The following VWC2L variants were observed in gnomAD, a reference collection of about 807,000 sequenced individuals.
The protein encoded by VWC2L is von Willebrand factor C domain containing 2 like, also known as von Willebrand factor C domain-containing protein 2-like.
Under a neutral mutation model 21.6 loss-of-function variants are expected in VWC2L, and 10 were observed. The ratio of observed to expected loss-of-function variants is 0.46; its 90% CI spans 0.29 to 0.78. VWC2L has a LOEUF of 0.78. VWC2L is among the 30% of genes least tolerant of loss of function. The probability of loss-of-function intolerance (pLI) is 0.10; values close to 1 mark genes in which losing one functional copy is unlikely to be tolerated. For synonymous variants in VWC2L, 96 were observed against 94.3 expected (o/e 1.02, Z -0.10); for missense variants, 209 against 277.1 (o/e 0.75, Z 1.74).
intron 3 of VWC2L, among the ~76,000 whole-genome samples, chr2:214,438,433 A>T (rs568464123): frequency 1.2e-4 from 18 of 151,954 alleles, no homozygotes; most frequent in Non-Finnish European, 2.6e-4. Flanking sequence ...TGTCTAAACA[A>T]GTCCTTGAGG....
In VWC2L at chr2:214,561,807, T is replaced by TAC. The variant is rs1490549576; in HGVS notation, c.521-13864_521-13863insCA. Among the ~76,000 whole-genome samples, 20 of 137,422 alleles carry TAC rather than the reference T, an allele frequency of 1.5e-4. 1 individual carries two copies. The highest frequency in any genetic ancestry group is 5.9e-4 in the African/African-American group (19 of 31,948). The allele number at this position is 137,422 out of a possible 152,430, so 90.2% of individuals were successfully genotyped here. A position where few individuals can be genotyped will look rare whatever the true frequency, so the allele number is the denominator to read the frequency against. On this transcript the variant is annotated intron_variant, in intron 3 of 3. Coordinates refer to ENST00000312504, the MANE Select transcript of VWC2L (RefSeq NM_001080500.4). ...AATTATATATATATATATATATATA[T>TAC]ATACACACACATATATAATTTTATA... is the stretch of plus-strand genomic sequence containing the variant.
At chr2:214,488,075 G>T (rs1688695844) in intron 3 of VWC2L, among the ~76,000 whole-genome samples, 1 of 152,080 alleles carries the variant, frequency 6.6e-6, no homozygotes, top group South Asian at 2.1e-4. Context: ...CTTGGTCTTG[G>T]ATTCTACTGC....
intron 1 of VWC2L, among the ~76,000 whole-genome samples, chr2:214,412,859 A>C (rs1702298833): frequency 6.6e-6 from 1 of 152,076 alleles, no homozygotes. Context: ...CTGACCTGAA[A>C]ATGTCCTGTA....
At chr2:214,467,621 G>A (rs1445046944) in intron 3 of VWC2L, among the ~76,000 whole-genome samples, 1 of 151,876 alleles carries the variant, frequency 6.6e-6, no homozygotes, top group East Asian at 1.9e-4. Flanking sequence ...CTATACCTTG[G>A]CCCCAGCTGG....
At chr2:214,464,436 G>T (rs1402052701) in intron 3 of VWC2L, among the ~76,000 whole-genome samples, 1 of 151,982 alleles carries the variant, frequency 6.6e-6, no homozygotes, top group Non-Finnish European at 1.5e-5. Flanking sequence ...ACAACTGGGA[G>T]AATTTCCTGG....
At chr2:214,432,025 G>T (rs747256489) in intron 2 of VWC2L, among the ~76,000 whole-genome samples, 9 of 152,086 alleles carry the variant, frequency 5.9e-5, no homozygotes, top group Non-Finnish European at 1.2e-4. Flanking sequence ...GTTATTTCAC[G>T]ACTCACAGTC....
chr2:214,445,284 A>T (rs2126182257), intron 3 of VWC2L, among the ~76,000 whole-genome samples: 1 of 152,052 alleles, frequency 6.6e-6, no homozygotes, highest in East Asian at 1.9e-4. Context: ...GTGTATATGG[A>T]TATAGTTGTT....
At chr2:214,446,206 T>A (rs1702835219) in intron 3 of VWC2L, among the ~76,000 whole-genome samples, 1 of 152,172 alleles carries the variant, frequency 6.6e-6, no homozygotes, top group Admixed American at 6.5e-5. Context: ...GCTGCACACA[T>A]ATGTTGGCTG....
At chr2:214,438,405 T>A (rs553958860) in intron 3 of VWC2L, among the ~76,000 whole-genome samples, 7 of 152,162 alleles carry the variant, frequency 4.6e-5, no homozygotes, top group African/African-American at 1.7e-4. Context: ...TTTTTTCTTT[T>A]TTTCCCCTGG....
intron 3 of VWC2L, among the ~76,000 whole-genome samples, chr2:214,471,003 C>G (rs754954773): frequency 1.4e-4 from 21 of 147,968 alleles, no homozygotes; most frequent in Admixed American, 8.1e-4. Flanking sequence ...CAAGGTCATA[C>G]TTTGATCAAA....
At chr2:214,447,505 C>A (rs1702855930) in intron 3 of VWC2L, among the ~76,000 whole-genome samples, 1 of 152,112 alleles carries the variant, frequency 6.6e-6, no homozygotes, top group Admixed American at 6.6e-5. Context: ...GGATATAATA[C>A]CCTAAGCTTT....
chr2:214,441,836 T>C (rs1702766319), intron 3 of VWC2L, among the ~76,000 whole-genome samples: 1 of 151,746 alleles, frequency 6.6e-6, no homozygotes, highest in Admixed American at 6.6e-5. Context: ...ACATATCTAA[T>C]GTGTACATTT....
At chr2:214,480,353 T>A (rs1424747807) in intron 3 of VWC2L, among the ~76,000 whole-genome samples, 1 of 152,218 alleles carries the variant, frequency 6.6e-6, no homozygotes, top group Non-Finnish European at 1.5e-5. Flanking sequence ...AAAGCAAAGA[T>A]GATTAAGTTT....
chr2:214,503,605 CA>C (rs1286158034), intron 3 of VWC2L, among the ~76,000 whole-genome samples: 1 of 151,690 alleles, frequency 6.6e-6, no homozygotes, highest in East Asian at 1.9e-4. Flanking sequence ...CTCTCAGCTA[CA>C]AAAGCAGTGA....
chr2:214,417,129 T>A (rs1369609030), intron 2 of VWC2L, among the ~76,000 whole-genome samples: 14 of 152,166 alleles, frequency 9.2e-5, no homozygotes, highest in Non-Finnish European at 2.9e-5. Flanking sequence ...AGTCATTAAT[T>A]ATTAAAGATG....
In VWC2L at chr2:214,567,573, C is replaced by CAGAGAGAGAG. The variant is rs1191168160; in HGVS notation, c.521-8098_521-8097insGAGAGAGAGA. On this transcript the variant is annotated intron_variant, in intron 3 of 3. Coordinates refer to ENST00000312504, the MANE Select transcript of VWC2L (RefSeq NM_001080500.4). Reference sequence around the variant, plus strand: ...ACACACACACACACACACACACACACACACACACACACACACACACACAGA... The same window carrying CAGAGAGAGAG: ...ACACACACACACACACACACACACACAGAGAGAGAGACACACACACACACACACACACAGA... 1.5e-4 allele frequency among the ~76,000 whole-genome samples: 21 copies of CAGAGAGAGAG among 141,906 alleles called. 1 individual carries two copies. Among genetic ancestry groups the CAGAGAGAGAG allele is most frequent in the Non-Finnish European group, 2.5e-4 (16 of 65,288 alleles). 93.1% of individuals were successfully genotyped at this position (141,906 alleles called of 152,430 possible).
chr2:214,440,649 A>G (rs1385999130), intron 3 of VWC2L, among the ~76,000 whole-genome samples: 1 of 152,104 alleles, frequency 6.6e-6, no homozygotes, highest in East Asian at 1.9e-4. Context: ...ATAGCTAAAA[A>G]TACCTATCGT....
At chr2:214,468,078 G>A (rs148430925) in intron 3 of VWC2L, among the ~76,000 whole-genome samples, 5,196 of 151,922 alleles carry the variant, frequency 0.034, 295 homozygotes, top group African/African-American at 0.12. Context: ...GTGCAGTGGC[G>A]CAATCTCAGC....
intron 3 of VWC2L, among the ~76,000 whole-genome samples, chr2:214,509,849 A>G (rs1010075599): frequency 1.3e-5 from 2 of 152,218 alleles, no homozygotes; most frequent in African/African-American, 4.8e-5. Flanking sequence ...GGATTTATAC[A>G]TATTTTAATC....
Sources: gnomAD v4.1 joint callset for allele counts (sites outside exome capture counted in the v4.1 genomes callset) on GRCh38, gnomAD v4.1.1 for gene constraint, MANE v1.5 for transcripts, NCBI Gene and HGNC (gene_info 2026-07-23, HGNC 2026-07-21) for gene names.